CAPN12: variants seen among roughly 807,000 people sequenced by gnomAD.
CAPN12 encodes calpain-12.
CAPN12 carries 107 observed loss-of-function variants against 95.0 expected under a neutral mutation model. The observed-to-expected ratio is 1.13, with a 90% CI of 0.96 to 1.32. The LOEUF (loss-of-function observed/expected upper bound fraction) is 1.32. Among genes scored for constraint, CAPN12 ranks in the 40% most tolerant of loss-of-function variants. The pLI, the probability that CAPN12 is intolerant of heterozygous loss-of-function variation, is 0.00. For missense variants in CAPN12, 1,136 were observed against 997.8 expected (o/e 1.14, Z -1.87); for synonymous variants, 505 against 415.5 (o/e 1.22, Z -2.62).
intron 4 of CAPN12, among the ~76,000 whole-genome samples, chr19:38,740,782 A>G (rs541318006): frequency 3.3e-5 from 5 of 150,264 alleles, no homozygotes; most frequent in South Asian, 4.3e-4. Flanking sequence ...CCTGGGCAAC[A>G]AGAGTGAAAC....
intron 9 of CAPN12, 31 bp downstream of exon 9, chr19:38,737,444 A>AG: frequency 6.2e-7 from 1 of 1,612,002 alleles, no homozygotes; most frequent in Non-Finnish European, 8.5e-7. Context: ...CCCCCACCCC[A>AG]GGAAGCCTCT....
intron 2 of CAPN12, 102 bp downstream of exon 2, chr19:38,742,931 G>A (rs1054093062): frequency 3.1e-6 from 3 of 965,420 alleles, no homozygotes; most frequent in Middle Eastern, 2.4e-4. Flanking sequence ...AGACTGAGGA[G>A]GGATCCAGGG....
intron 19 of CAPN12, 26 bp downstream of exon 19, chr19:38,731,071 TCCCCCCATGC>T (rs753369619): frequency 2.5e-6 from 4 of 1,573,614 alleles, no homozygotes; most frequent in Admixed American, 3.7e-5. Context: ...CCGTACCCCT[TCCCCCCATGC>T]CCCACCATGC....
chr19:38,730,666 T>G lies in CAPN12; in HGVS notation c.*186A>C. ...TCATCTGCTCGAGAAGGGCTGTCGC[T>G]GTTCTTGTTTCTGAGTGAGGAGTAC... On this transcript the variant is annotated 3_prime_UTR_variant, in exon 21 of 21. Coordinates refer to ENST00000328867, the MANE Select transcript of CAPN12 (RefSeq NM_144691.4). 1 of 667,958 alleles carries G rather than the reference T, an allele frequency of 1.5e-6. No individual in the cohort carries two copies. 41.4% of individuals were successfully genotyped at this position (667,958 alleles called of 1,614,324 possible). A position where few individuals can be genotyped will look rare whatever the true frequency, so the allele number is the denominator to read the frequency against.
In CAPN12 at chr19:38,734,854, G is replaced by A. The variant is rs767715671; in HGVS notation, c.1703C>T (p.Ala568Val). The part of the protein sequence containing the change: ...ELAGEEEELN[A>V]SQLQALLSIA... The stretch of plus-strand genomic sequence containing the variant: ...GCTTAGTAAGGCCTGGAGCTGAGAG[G>A]CATTGAGTTCTTCCTCCTAGTCCAG... Residue 568 changes from alanine (A) to valine (V), a missense_variant, in exon 15 of 21, where the codon GCC becomes GTC. Transcript: ENST00000328867. 1.3e-5 allele frequency: 21 copies of A among 1,612,746 alleles called. No individual in the cohort carries two copies. The highest frequency in any genetic ancestry group is 1.7e-5 in the Non-Finnish European group (20 of 1,179,874).
intron 5 of CAPN12, 166 bp from the exon 6 acceptor site, chr19:38,738,814 A>G (rs1970377726): frequency 1.6e-6 from 1 of 628,446 alleles, no homozygotes; most frequent in East Asian, 2.7e-5. Flanking sequence ...GCGAAAGAGA[A>G]AAGGAGAGGA....
rs1157070229 is a variant in CAPN12, at chr19:38,742,404, C to G, written c.426+6G>C. ...CGGAGGCATGGGCAGAGGAACTGAG[C>G]TGTACCTGGAAGTGGAAGACGCCTG... On this transcript the variant is annotated splice_donor_region_variant and intron_variant, in intron 3 of 20. Transcript: ENST00000328867. 6.3e-7 allele frequency: 1 copy of G among 1,598,308 alleles called. No homozygotes were observed. The highest frequency in any genetic ancestry group is 1.7e-5 in the Admixed American group (1 of 59,980).
intron 17 of CAPN12, 32 bp from the exon 18 acceptor site, chr19:38,733,813 C>A: frequency 6.4e-7 from 1 of 1,571,864 alleles, no homozygotes; most frequent in Non-Finnish European, 8.7e-7. Flanking sequence ...GGGCTGCCCT[C>A]CATGCCCTGA....
chr19:38,743,911 AC>A lies in CAPN12; in HGVS notation c.237+17del, dbSNP rs773254014. On this transcript the variant is annotated intron_variant, in intron 1 of 20. Coordinates refer to ENST00000328867, the MANE Select transcript of CAPN12 (RefSeq NM_144691.4). ...TCCTCCCTCAGACCCCAGAGCCCAG[AC>A]CCCAGCCACACTTTACATGGGGCCT... is the stretch of plus-strand genomic sequence containing the variant. 4 of 1,610,372 alleles carry A rather than the reference AC, an allele frequency of 2.5e-6. No homozygotes were observed. Among genetic ancestry groups the A allele is most frequent in the Admixed American group, 3.3e-5 (2 of 59,936 alleles).
intron 12 of CAPN12, 31 bp downstream of exon 12, chr19:38,736,079 A>T (rs1970112652): frequency 3.7e-6 from 5 of 1,358,806 alleles, no homozygotes; most frequent in East Asian, 3.8e-5. Context: ...CTAGGCAGGG[A>T]TGGGGTCGGA....
At chr19:38,731,857 A>C (rs933686221) in intron 18 of CAPN12, among the ~76,000 whole-genome samples, 3 of 152,246 alleles carry the variant, frequency 2.0e-5, no homozygotes, top group Admixed American at 6.5e-5. Flanking sequence ...CTACCAAGTA[A>C]GTGCCATTTC....
chr19:38,741,907 A>G lies in CAPN12; in HGVS notation c.430T>C (p.Trp144Arg). Residue 144 changes from tryptophan to arginine, a missense_variant, in exon 4 of 21, where the codon TGG (tryptophan) becomes CGG (arginine). Trp to Arg is a moderately radical substitution (Grantham distance 101, BLOSUM62 -3). Transcript: ENST00000328867. ...GYAGVFHFQLWQFGRWMDVVV... is the reference protein window; with the variant it reads ...GYAGVFHFQLRQFGRWMDVVV... ...ACGTCCATCCAGCGGCCAAACTGCC[A>G]GAGCTGGTGGGAGAAGATGCAGGGC... is the stretch of plus-strand genomic sequence containing the variant. The G allele has an allele frequency of 6.2e-7, 1 of 1,613,866 alleles. No individual in the cohort carries two copies. The highest frequency in any genetic ancestry group is 8.5e-7 in the Non-Finnish European group (1 of 1,179,990).
chr19:38,732,059 G>A (rs964528752), intron 18 of CAPN12, among the ~76,000 whole-genome samples: 1 of 152,254 alleles, frequency 6.6e-6, no homozygotes, highest in African/African-American at 2.4e-5. Context: ...AGAAGGCGCT[G>A]GAGCCCCTCA....
At chr19:38,743,897 A>G (rs770018423) in intron 1 of CAPN12, 32 bp downstream of exon 1, 14 of 1,602,416 alleles carry the variant, frequency 8.7e-6, no homozygotes, top group Non-Finnish European at 9.4e-6. Context: ...CCTCCCTCAG[A>G]CCCCAGAGCC....
Position 38,736,301 on chromosome 19 carries a change from A to G in CAPN12, c.1392T>C (p.Asp464=), listed in dbSNP as rs959293686. 4.2e-6 allele frequency: 6 copies of G among 1,438,696 alleles called. No individual in the cohort carries two copies. In the African/African-American group the frequency reaches 9.0e-5, roughly 22 times the overall value. 89.1% of individuals were successfully genotyped at this position (1,438,696 alleles called of 1,614,324 possible). Residue 464 remains aspartate (D), a synonymous_variant, in exon 12 of 21, where the codon GAT becomes GAC. Coordinates refer to ENST00000328867, the MANE Select transcript of CAPN12 (RefSeq NM_144691.4). ...QIPEELLGLW[D]SPRSHALLPR... ...GCAGGAGCGCATGGCTGCGCGGGGA[A>G]TCCCAGAGGCCCAGCAGCTGGGGAC... is the stretch of plus-strand genomic sequence containing the variant.
At position 38,744,083 on chromosome 19, in the gene CAPN12, C is replaced by G. The variant is rs112433506; in HGVS notation, c.83G>C (p.Arg28Pro). The part of the protein sequence containing the change: ...GVGAGRLQLF[R>P]GQSYEAIRAA... Reference sequence around the variant, plus strand: ...CCGAATTGCCTCATAGCTCTGGCCCCGAAAAAGCTGCAGGCGCCCGGCTCC... The same window carrying G: ...CCGAATTGCCTCATAGCTCTGGCCCGGAAAAAGCTGCAGGCGCCCGGCTCC... The change falls in exon 1 of 21, where the codon CGG (arginine) becomes CCG (proline). Residue 28 changes from arginine (R) to proline (P), a missense_variant. Coordinates refer to ENST00000328867, the MANE Select transcript of CAPN12 (RefSeq NM_144691.4). 1.2e-6 allele frequency: 2 copies of G among 1,614,094 alleles called. No individual in the cohort carries two copies. Among genetic ancestry groups the G allele is most frequent in the Non-Finnish European group, 1.7e-6 (2 of 1,180,048 alleles).
rs771968234 is a variant in CAPN12, at chr19:38,730,949, C to G, written c.2133+16G>C. 36 of 1,550,608 alleles carry G rather than the reference C, an allele frequency of 2.3e-5. No homozygotes were observed. The highest frequency in any genetic ancestry group is 1.7e-4 in the Middle Eastern group (1 of 5,992). ...GGACAGAGCCTGAGCCACCCTGTCC[C>G]TCCCACCTGGCTCACCTGTCTGTGG... On this transcript the variant is annotated intron_variant, in intron 20 of 20. Transcript: ENST00000328867.
rs1163310991 is a variant in CAPN12, at chr19:38,730,417, T to C, written c.*435A>G. The C allele has an allele frequency of 5.4e-6, 1 of 185,540 alleles. No individual in the cohort carries two copies. Among genetic ancestry groups the C allele is most frequent in the Admixed American group, 5.4e-5 (1 of 18,356 alleles). 11.5% of individuals were successfully genotyped at this position (185,540 alleles called of 1,614,324 possible). On this transcript the variant is annotated 3_prime_UTR_variant, in exon 21 of 21. Coordinates refer to ENST00000328867, the MANE Select transcript of CAPN12 (RefSeq NM_144691.4). ...CCTGGCTGCCTGGTGGTTGATGGTTTTGCTCCCCCTACCTTTTTTTTTTGA... is the reference window on the plus strand; with the variant it reads ...CCTGGCTGCCTGGTGGTTGATGGTTCTGCTCCCCCTACCTTTTTTTTTTGA...
intron 17 of CAPN12, 108 bp from the exon 18 acceptor site, chr19:38,733,889 G>A: frequency 6.2e-6 from 6 of 968,282 alleles, no homozygotes; most frequent in Non-Finnish European, 9.5e-6. Flanking sequence ...CCTTTCTTCT[G>A]GTGTGGACCC....
Sources: allele counts gnomAD v4.1 joint callset (sites outside exome capture counted in the v4.1 genomes callset), GRCh38; gene constraint gnomAD v4.1.1; transcripts MANE v1.5; gene names NCBI Gene and HGNC (gene_info 2026-07-23, HGNC 2026-07-21).